CDH13: variants seen among roughly 807,000 people sequenced by gnomAD.
CDH13 encodes cadherin-13.
Under a neutral mutation model 63.8 loss-of-function variants are expected in CDH13, and 24 were observed. The ratio of observed to expected loss-of-function variants is 0.38; its 90% CI spans 0.27 to 0.53. The LOEUF is 0.53. CDH13 is among the 20% of genes least tolerant of loss of function. CDH13 has a pLI of 0.85. For missense variants in CDH13, 1,049 were observed against 903.1 expected, an observed-to-expected ratio of 1.16 and a Z score of -2.07; for synonymous variants, 503 against 355.3, an observed-to-expected ratio of 1.42 and a Z score of -4.67.
rs192824161 is a variant in CDH13 at position 83,225,073 on chromosome 16, C to G, written c.636+7576C>G. On this transcript the variant is annotated intron_variant, in intron 5 of 13. Transcript: ENST00000567109. ...TGTTAGAGATGTAAATTGTTAGGTG[C>G]TTTCCCAGGCCTGCTGGATCAGAAA... Among the ~76,000 whole-genome samples, 74 of 152,300 alleles carry G rather than the reference C, an allele frequency of 4.9e-4. 1 individual carries two copies. The highest frequency in any genetic ancestry group is 1.7e-3 in the African/African-American group (72 of 41,568).
rs375560486 is a variant in CDH13, at chr16:83,784,067, T to C, written c.2134+595T>C. Among the ~76,000 whole-genome samples the C allele has an allele frequency of 2.6e-5, 4 of 152,360 alleles. No individual in the cohort carries two copies. The East Asian group carries it at 7.7e-4, about 29-fold the overall frequency. On this transcript the variant is annotated intron_variant, in intron 13 of 13. Coordinates refer to ENST00000567109, the MANE Select transcript of CDH13 (RefSeq NM_001257.5). ...AATTAATAAATACATGTCTCAGATA[T>C]TCCTTATTTATGAAATACTAGTCCA...
chr16:83,366,639 C>G (rs994982843), intron 6 of CDH13, among the ~76,000 whole-genome samples: 2 of 152,090 alleles, frequency 1.3e-5, no homozygotes, highest in Non-Finnish European at 2.9e-5. Flanking sequence ...TTTCGATATT[C>G]TCCAGATAGT....
intron 6 of CDH13, among the ~76,000 whole-genome samples, chr16:83,414,078 A>C (rs987412011): frequency 6.6e-6 from 1 of 152,116 alleles, no homozygotes; most frequent in African/African-American, 2.4e-5. Context: ...TACTTCCCTA[A>C]CAAGTACCTG....
At chr16:82,840,880 G>T (rs916963467) in intron 1 of CDH13, among the ~76,000 whole-genome samples, 4 of 152,166 alleles carry the variant, frequency 2.6e-5, no homozygotes, top group African/African-American at 9.7e-5. Context: ...ATGAGTGTTG[G>T]TAGATGAAGA....
intron 7 of CDH13, among the ~76,000 whole-genome samples, chr16:83,530,725 G>A (rs2075065632): frequency 6.6e-6 from 1 of 152,128 alleles, no homozygotes; most frequent in Non-Finnish European, 1.5e-5. Flanking sequence ...GTTCACAGAG[G>A]GACAGTGACT....
chr16:83,679,471 T>G (rs1308291134), intron 10 of CDH13, among the ~76,000 whole-genome samples: 2 of 152,248 alleles, frequency 1.3e-5, no homozygotes, highest in Non-Finnish European at 2.9e-5. Flanking sequence ...ACCACTTTAC[T>G]TTAGAGCAAG....
chr16:83,078,479 CTAT>C (rs1276359531), intron 3 of CDH13, among the ~76,000 whole-genome samples: 1 of 152,198 alleles, frequency 6.6e-6, no homozygotes, highest in African/African-American at 2.4e-5. Flanking sequence ...CTTTGTACTC[CTAT>C]AAGAGTCTAA....
intron 1 of CDH13, among the ~76,000 whole-genome samples, chr16:82,630,900 G>A (rs1222428023): frequency 2.0e-5 from 3 of 152,208 alleles, no homozygotes; most frequent in African/African-American, 4.8e-5. Flanking sequence ...TTCTCCAGAA[G>A]AGGGCTCCAT....
intron 2 of CDH13, among the ~76,000 whole-genome samples, chr16:82,998,385 C>CT (rs1220914672): frequency 6.6e-6 from 1 of 152,178 alleles, no homozygotes; most frequent in Admixed American, 6.5e-5. Context: ...AAGAGTATCA[C>CT]TTTCGTGAAG....
At chr16:82,636,265 C>G (rs1162484224) in intron 1 of CDH13, among the ~76,000 whole-genome samples, 1 of 151,966 alleles carries the variant, frequency 6.6e-6, no homozygotes, top group Non-Finnish European at 1.5e-5. Context: ...ACATTGTAAA[C>G]AGGGTCGGTC....
At chr16:82,691,070 C>G (rs964907360) in intron 1 of CDH13, among the ~76,000 whole-genome samples, 1 of 152,214 alleles carries the variant, frequency 6.6e-6, no homozygotes, top group Non-Finnish European at 1.5e-5. Context: ...TTTACACATT[C>G]AGCAAATATT....
intron 5 of CDH13, among the ~76,000 whole-genome samples, chr16:83,222,853 T>C (rs2039736594): frequency 6.6e-6 from 1 of 152,124 alleles, no homozygotes; most frequent in Non-Finnish European, 1.5e-5. Context: ...CATATGAAAC[T>C]ATTCTAGGGC....
chr16:83,336,604 A>C (rs546215235), intron 5 of CDH13, among the ~76,000 whole-genome samples: 4 of 152,250 alleles, frequency 2.6e-5, no homozygotes, highest in Non-Finnish European at 5.9e-5. Flanking sequence ...AATCCTGTGC[A>C]CACACAATCC....
At chr16:83,747,532 G>A (rs1597168734) in intron 10 of CDH13, among the ~76,000 whole-genome samples, 1 of 152,066 alleles carries the variant, frequency 6.6e-6, no homozygotes, top group East Asian at 1.9e-4. Flanking sequence ...TATCAACAGT[G>A]TGAAGATGGA....
At chr16:82,666,169 A>G (rs1258956941) in intron 1 of CDH13, among the ~76,000 whole-genome samples, 1 of 152,060 alleles carries the variant, frequency 6.6e-6, no homozygotes, top group Non-Finnish European at 1.5e-5. Context: ...CTGCTGGGGA[A>G]CCTGTTCAGG....
intron 1 of CDH13, among the ~76,000 whole-genome samples, chr16:82,687,583 C>G (rs960048052): frequency 6.6e-6 from 1 of 152,122 alleles, no homozygotes. Flanking sequence ...CATCAGATGT[C>G]GTGAGACTTA....
At chr16:82,847,063 A>T (rs900834958) in intron 1 of CDH13, among the ~76,000 whole-genome samples, 2 of 152,066 alleles carry the variant, frequency 1.3e-5, no homozygotes, top group African/African-American at 4.8e-5. Flanking sequence ...TCGCCTTCAA[A>T]TTCCCTCTCC....
At chr16:83,224,292 C>T (rs1235529642) in intron 5 of CDH13, among the ~76,000 whole-genome samples, 1 of 152,184 alleles carries the variant, frequency 6.6e-6, no homozygotes, top group African/African-American at 2.4e-5. Flanking sequence ...TTTGCAATTG[C>T]GAATTGAGCT....
intron 1 of CDH13, among the ~76,000 whole-genome samples, chr16:82,814,739 AAG>A (rs57250892): frequency 0.013 from 1,950 of 152,226 alleles, 27 homozygotes; most frequent in Middle Eastern, 0.024. Flanking sequence ...ATAGAAGTCA[AAG>A]AGGGGGTTGT....
Sources: gnomAD v4.1 joint callset for allele counts (sites outside exome capture counted in the v4.1 genomes callset) on GRCh38, gnomAD v4.1.1 for gene constraint, MANE v1.5 for transcripts, NCBI Gene and HGNC (gene_info 2026-07-23, HGNC 2026-07-21) for gene names.